XKR6: variants seen among roughly 807,000 people sequenced by gnomAD.
XKR6 encodes XK related 6, also known as XK-related protein 6.
A neutral mutation model predicts 56.7 loss-of-function variants in XKR6; 22 were observed. The ratio of observed to expected loss-of-function variants is 0.39; its 90% CI spans 0.28 to 0.55. The LOEUF is 0.55. XKR6 is among the 20% of genes least tolerant of loss of function. The pLI, the probability that XKR6 is intolerant of heterozygous loss-of-function variation, is 0.66. For synonymous variants in XKR6, 524 were observed against 387.8 expected (o/e 1.35, Z -4.13); for missense variants, 852 against 889.0 (o/e 0.96, Z 0.53).
At chr8:10,915,560 G>A (rs1052928221) in intron 2 of XKR6, among the ~76,000 whole-genome samples, 1 of 152,068 alleles carries the variant, frequency 6.6e-6, no homozygotes, top group Non-Finnish European at 1.5e-5. Flanking sequence ...TGGTCGGTAG[G>A]GCGACCTCAG....
chr8:11,135,072 G>A (rs939705765), intron 1 of XKR6, among the ~76,000 whole-genome samples: 3 of 145,752 alleles, frequency 2.1e-5, no homozygotes, highest in South Asian at 2.2e-4. Flanking sequence ...TCCCTCTGTC[G>A]CCCAGGCTGA....
intron 1 of XKR6, among the ~76,000 whole-genome samples, chr8:11,090,937 T>C (rs979071781): frequency 6.6e-6 from 1 of 152,194 alleles, no homozygotes; most frequent in African/African-American, 2.4e-5. Flanking sequence ...ATGAGAAAAC[T>C]GATCCTGTGT....
chr8:11,199,418 T>C (rs560286036), intron 1 of XKR6, among the ~76,000 whole-genome samples: 26 of 152,366 alleles, frequency 1.7e-4, no homozygotes, highest in African/African-American at 4.6e-4. Flanking sequence ...GGTATATCTG[T>C]TACCTGAACT....
intron 1 of XKR6, among the ~76,000 whole-genome samples, chr8:11,083,225 T>G (rs982607704): frequency 6.6e-6 from 1 of 152,186 alleles, no homozygotes; most frequent in African/African-American, 2.4e-5. Context: ...GCTCAGCACA[T>G]TCACCTAGTC....
chr8:11,127,723 A>C (rs552425662), intron 1 of XKR6, among the ~76,000 whole-genome samples: 1 of 152,122 alleles, frequency 6.6e-6, no homozygotes, highest in Admixed American at 6.5e-5. Flanking sequence ...TTCATCCCCA[A>C]ATCCTTAATC....
intron 1 of XKR6, among the ~76,000 whole-genome samples, chr8:11,036,415 G>C (rs757348395): frequency 1.3e-5 from 2 of 152,172 alleles, no homozygotes; most frequent in Non-Finnish European, 2.9e-5. Context: ...ATCTTCTCTG[G>C]TCAAAGAGTT....
rs796951676 is a variant in XKR6 at position 10,917,324 on chromosome 8, G to C, written c.961+7310C>G. Among the ~76,000 whole-genome samples, 7 of 152,332 alleles carry C rather than the reference G, an allele frequency of 4.6e-5. 1 individual carries two copies. The highest frequency in any genetic ancestry group is 1.7e-4 in the African/African-American group (7 of 41,586). On this transcript the variant is annotated intron_variant, in intron 2 of 2. Transcript: ENST00000416569. ...TTCCCTGTGTTAAATGGGGAGAGGG[G>C]CTGGATGGCCTGATGGGCAGCATCT...
chr8:11,123,002 C>T (rs574030255), intron 1 of XKR6, among the ~76,000 whole-genome samples: 160 of 152,070 alleles, frequency 1.1e-3, no homozygotes, highest in South Asian at 8.5e-3. Context: ...TTTGGGAGGC[C>T]GAGGTGGGTG....
chr8:11,158,500 T>A (rs1801635813), intron 1 of XKR6, among the ~76,000 whole-genome samples: 2 of 152,294 alleles, frequency 1.3e-5, no homozygotes, highest in South Asian at 4.1e-4. Flanking sequence ...CCTAGAAACT[T>A]CGCCTTGAGT....
intron 1 of XKR6, among the ~76,000 whole-genome samples, chr8:11,077,766 C>A (rs965377226): frequency 3.9e-4 from 59 of 152,278 alleles, no homozygotes; most frequent in African/African-American, 1.2e-3. Context: ...CATCTGGGCA[C>A]AGTTTCTGGT....
intron 1 of XKR6, among the ~76,000 whole-genome samples, chr8:11,179,010 TTTTC>T (rs904777865): frequency 2.9e-5 from 4 of 139,128 alleles, no homozygotes; most frequent in African/African-American, 5.8e-5. Flanking sequence ...ACCTGGCTAA[TTTTC>T]TTTTTCTTTT....
intron 1 of XKR6, among the ~76,000 whole-genome samples, chr8:11,085,330 G>A (rs1327518574): frequency 2.0e-5 from 3 of 152,172 alleles, no homozygotes; most frequent in Non-Finnish European, 4.4e-5. Context: ...GCCTGCTCTG[G>A]TTGCCACATG....
chr8:11,049,611 G>T (rs546924737), intron 1 of XKR6, among the ~76,000 whole-genome samples: 3 of 152,188 alleles, frequency 2.0e-5, no homozygotes, highest in Admixed American at 1.3e-4. Context: ...GCTTGGCAGC[G>T]AGACCCATCC....
At chr8:11,017,689 T>A in intron 1 of XKR6, among the ~76,000 whole-genome samples, 1 of 151,756 alleles carries the variant, frequency 6.6e-6, no homozygotes, top group East Asian at 1.9e-4. Flanking sequence ...CAGGGAGGGG[T>A]GCTGGGAAAC....
Position 11,047,721 on chromosome 8 carries a change from C to T in XKR6, c.765-122891G>A, listed in dbSNP as rs147830900. Among the ~76,000 whole-genome samples the T allele has an allele frequency of 7.9e-5, 12 of 152,088 alleles. No individual in the cohort carries two copies. In the South Asian group the frequency reaches 1.0e-3, roughly 13 times the overall value. Reference sequence around the variant, plus strand: ...TAGTGGTGATGGTTGCACAACAGCGCGAGTGTACTTAATGCCACCAAACGA... The same window carrying T: ...TAGTGGTGATGGTTGCACAACAGCGTGAGTGTACTTAATGCCACCAAACGA... On this transcript the variant is annotated intron_variant, in intron 1 of 2. Coordinates refer to ENST00000416569, the MANE Select transcript of XKR6 (RefSeq NM_173683.4).
At chr8:11,016,719 G>A (rs1426177694) in intron 1 of XKR6, among the ~76,000 whole-genome samples, 1 of 152,190 alleles carries the variant, frequency 6.6e-6, no homozygotes, top group Admixed American at 6.5e-5. Context: ...CAGCACTGGG[G>A]AGCGTCCTGG....
chr8:11,047,925 C>T (rs889941939), intron 1 of XKR6, among the ~76,000 whole-genome samples: 1 of 152,084 alleles, frequency 6.6e-6, no homozygotes, highest in African/African-American at 2.4e-5. Flanking sequence ...GTTGAAAGTC[C>T]CAGTTTTACA....
At chr8:11,072,255 C>T (rs1337306454) in intron 1 of XKR6, among the ~76,000 whole-genome samples, 4 of 148,092 alleles carry the variant, frequency 2.7e-5, no homozygotes, top group Admixed American at 1.3e-4. Flanking sequence ...GTAAGGTCTG[C>T]TGGAGAGGCA....
At chr8:10,903,015 G>A (rs1800083276) in intron 2 of XKR6, among the ~76,000 whole-genome samples, 1 of 152,156 alleles carries the variant, frequency 6.6e-6, no homozygotes, top group Non-Finnish European at 1.5e-5. Flanking sequence ...AGGAAAGCCA[G>A]GCTCACTTCA....
Sources: gnomAD v4.1 joint callset for allele counts (sites outside exome capture counted in the v4.1 genomes callset) on GRCh38, gnomAD v4.1.1 for gene constraint, MANE v1.5 for transcripts, NCBI Gene and HGNC (gene_info 2026-07-23, HGNC 2026-07-21) for gene names.